Variants in TAF4 observed in about 807,000 individuals in gnomAD.
The protein encoded by TAF4 is TATA-box binding protein associated factor 4.
A neutral mutation model predicts 90.3 loss-of-function variants in TAF4; 9 were observed. That is an observed-to-expected ratio of 0.10 (90% CI 0.06 to 0.17). The LOEUF (loss-of-function observed/expected upper bound fraction) is 0.17. TAF4 is among the 10% of genes least tolerant of loss of function. The pLI is 1.00. For synonymous variants in TAF4, 818 were observed against 638.9 expected (o/e 1.28, Z -4.23); for missense variants, 1,351 against 1,370.7 (o/e 0.99, Z 0.23).
intron 1 of TAF4, among the ~76,000 whole-genome samples, chr20:62,054,219 G>A (rs1454748240): frequency 3.3e-5 from 5 of 152,160 alleles, no homozygotes; most frequent in Admixed American, 2.0e-4. Flanking sequence ...TGAAGGAGGC[G>A]GCCTGAAGGA....
At chr20:61,998,926 C>T (rs2055680303) in intron 12 of TAF4, 57 bp downstream of exon 12, 4 of 1,596,060 alleles carry the variant, frequency 2.5e-6, no homozygotes, top group Admixed American at 3.4e-5. Context: ...GTGAGCTCAT[C>T]AGGTTGTGGC....
At chr20:62,016,612 TC>T (rs1335465597) in intron 1 of TAF4, among the ~76,000 whole-genome samples, 6 of 152,196 alleles carry the variant, frequency 3.9e-5, no homozygotes, top group Non-Finnish European at 8.8e-5. Context: ...ACTGTCGGCT[TC>T]CCTACTTTTG....
chr20:62,033,781 G>A (rs1295978329), intron 1 of TAF4, among the ~76,000 whole-genome samples: 1 of 150,742 alleles, frequency 6.6e-6, no homozygotes, highest in Non-Finnish European at 1.5e-5. Flanking sequence ...GGTGGCTCAC[G>A]CCTGTCATCT....
chr20:61,981,049 A>G (rs529663179), intron 14 of TAF4: 2 of 152,622 alleles, frequency 1.3e-5, no homozygotes, highest in South Asian at 2.1e-4. Flanking sequence ...GGTGAGGCAG[A>G]AAAGAAGGAA....
At chr20:62,027,415 A>C (rs1395361811) in intron 1 of TAF4, among the ~76,000 whole-genome samples, 3 of 152,172 alleles carry the variant, frequency 2.0e-5, no homozygotes, top group Admixed American at 6.5e-5. Context: ...TTTGTGATTT[A>C]GTCATTCCCT....
rs1381895917 is a variant in TAF4 at position 62,006,660 on chromosome 20, A to G, written c.2073T>C (p.Thr691=). 1.3e-6 allele frequency: 2 copies of G among 1,596,420 alleles called. No individual in the cohort carries two copies. Among genetic ancestry groups the G allele is most frequent in the South Asian group, 1.1e-5 (1 of 89,906 alleles). Residue 691 remains threonine, a synonymous_variant, in exon 7 of 15, where the codon ACT becomes ACC. Transcript: ENST00000252996. The surrounding 1 kb of genome is among the most constrained non-coding windows in gnomAD (Gnocchi z 7.0). ...QPPPPTSQAT[T]ALTAVVLSSS... ...TACTCAGCACCACGGCCGTGAGCGC[A>G]GTGGTGGCCTGCGAGGTGGGCGGTG...
At chr20:62,007,760 G>C (rs2055755267) in intron 5 of TAF4, 124 bp from the exon 6 acceptor site, 2 of 909,154 alleles carry the variant, frequency 2.2e-6, no homozygotes, top group East Asian at 2.7e-5. Context: ...GGACAGAGGA[G>C]ATGGGAAAGT....
chr20:62,009,959 A>T, intron 4 of TAF4, 87 bp downstream of exon 4: 1 of 1,588,170 alleles, frequency 6.3e-7, no homozygotes, highest in Non-Finnish European at 8.5e-7. Context: ...CTGGGACAGA[A>T]GCCGGCCTGA....
intron 3 of TAF4, 98 bp downstream of exon 3, chr20:62,012,717 A>T (rs1600843298): frequency 5.6e-5 from 18 of 324,168 alleles, no homozygotes; most frequent in East Asian, 1.1e-4. Flanking sequence ...TATCCAGTTT[A>T]AAAAAAAAAA....
chr20:61,976,167 G>A lies in TAF4; in HGVS notation c.*1C>T. Reference sequence around the variant, plus strand: ...AAAAAGTCCCCAGGCGTCCTCCTGTGTCACTTAAGGAATGCTTTGTAGAGC... The same window carrying A: ...AAAAAGTCCCCAGGCGTCCTCCTGTATCACTTAAGGAATGCTTTGTAGAGC... On this transcript the variant is annotated 3_prime_UTR_variant, in exon 15 of 15. Transcript: ENST00000252996. The A allele has an allele frequency of 1.9e-6, 3 of 1,613,686 alleles. No individual in the cohort carries two copies. The highest frequency in any genetic ancestry group is 2.5e-6 in the Non-Finnish European group (3 of 1,179,716).
intron 1 of TAF4, among the ~76,000 whole-genome samples, chr20:62,055,238 A>G (rs6089627): frequency 0.11 from 5,418 of 50,792 alleles, 154 homozygotes; most frequent in East Asian, 0.31. Flanking sequence ...CCTGCAAGAC[A>G]ATAGATTCAC....
chr20:61,998,036 C>A, intron 13 of TAF4, 100 bp downstream of exon 13: 1 of 1,124,610 alleles, frequency 8.9e-7, no homozygotes, highest in Non-Finnish European at 1.3e-6. Context: ...ACGCAAATGC[C>A]TATCGTACAG....
Position 62,064,569 on chromosome 20 carries a change from C to G in TAF4, c.1242G>C (p.Arg414=). The change falls in exon 1 of 15, where the codon CGG becomes CGC. Residue 414 remains arginine (R), a synonymous_variant. Transcript: ENST00000252996. ...AAGAVTQSLS[R]TPTATTSGIR... Reference sequence around the variant, plus strand: ...TCCCGCTGGTGGTGGCCGTGGGCGTCCGGGACAGGCTCTGGGTCACTGCGC... The same window carrying G: ...TCCCGCTGGTGGTGGCCGTGGGCGTGCGGGACAGGCTCTGGGTCACTGCGC... 2 of 1,513,956 alleles carry G rather than the reference C, an allele frequency of 1.3e-6. No individual in the cohort carries two copies. Among genetic ancestry groups the G allele is most frequent in the Non-Finnish European group, 1.8e-6 (2 of 1,136,578 alleles). 93.8% of individuals were successfully genotyped at this position (1,513,956 alleles called of 1,614,324 possible).
chr20:62,003,106 G>A (rs1292356003), intron 9 of TAF4, 54 bp downstream of exon 9: 5 of 1,500,930 alleles, frequency 3.3e-6, no homozygotes, highest in Non-Finnish European at 4.6e-6. Flanking sequence ...ACGGACTCTG[G>A]ACTCTTCTCC....
chr20:61,990,708 A>G (rs922347331), intron 14 of TAF4, among the ~76,000 whole-genome samples: 2 of 152,200 alleles, frequency 1.3e-5, no homozygotes, highest in Non-Finnish European at 2.9e-5. Flanking sequence ...CACGCAGGAG[A>G]GAACCTGCTG....
At chr20:62,059,121 T>C (rs1385195637) in intron 1 of TAF4, among the ~76,000 whole-genome samples, 3 of 152,206 alleles carry the variant, frequency 2.0e-5, no homozygotes, top group Admixed American at 6.5e-5. Context: ...CTCCACAACA[T>C]GACACCCACG....
At chr20:61,994,112 A>C (rs1251358455) in intron 14 of TAF4, among the ~76,000 whole-genome samples, 1 of 152,198 alleles carries the variant, frequency 6.6e-6, no homozygotes, top group Non-Finnish European at 1.5e-5. Flanking sequence ...CCAGGAAAAA[A>C]AAAAAAGGCT....
At chr20:62,049,530 T>C (rs1474266571) in intron 1 of TAF4, among the ~76,000 whole-genome samples, 6 of 151,924 alleles carry the variant, frequency 3.9e-5, no homozygotes, top group African/African-American at 9.7e-5. Context: ...CCCCACTGCC[T>C]GCAGAGGAAG....
chr20:62,036,871 C>T (rs1166767675), intron 1 of TAF4, among the ~76,000 whole-genome samples: 1 of 152,148 alleles, frequency 6.6e-6, no homozygotes. Context: ...CTTTGGGGGC[C>T]CAGCCCTCAT....
Sources: gnomAD v4.1 joint callset for allele counts (sites outside exome capture counted in the v4.1 genomes callset) on GRCh38, gnomAD v4.1.1 for gene constraint, Gnocchi (gnomAD v3.1) non-coding constraint, MANE v1.5 for transcripts, NCBI Gene and HGNC (gene_info 2026-07-23, HGNC 2026-07-21) for gene names.